The following RAP1GAP variants were observed in gnomAD, a reference collection of about 807,000 sequenced individuals.
RAP1GAP encodes rap1 GTPase-activating protein 1.
In RAP1GAP, 35 loss-of-function variants were observed where a neutral mutation model predicts 87.2. The observed-to-expected ratio is 0.40, with a 90% CI of 0.31 to 0.53. RAP1GAP has a LOEUF of 0.53. Ranked by LOEUF, RAP1GAP falls within the 20% of genes least tolerant of loss-of-function variation. The pLI, the probability that RAP1GAP is intolerant of heterozygous loss-of-function variation, is 0.48. For synonymous variants in RAP1GAP, 375 were observed against 363.9 expected (o/e 1.03, Z -0.35); for missense variants, 734 against 898.9 (o/e 0.82, Z 2.35).
chr1:21,665,249 C>A (rs372249907), intron 1 of RAP1GAP: 1 of 517,460 alleles, frequency 1.9e-6, no homozygotes, highest in Non-Finnish European at 3.9e-6. Flanking sequence ...TGTCAGAATT[C>A]GAACTTGGGT....
At chr1:21,667,188 G>A (rs1018468671) in intron 1 of RAP1GAP, among the ~76,000 whole-genome samples, 1 of 152,244 alleles carries the variant, frequency 6.6e-6, no homozygotes, top group African/African-American at 2.4e-5. Flanking sequence ...ATCTGCCCGA[G>A]GAGTCCTCAA....
intron 2 of RAP1GAP, among the ~76,000 whole-genome samples, chr1:21,639,779 C>T (rs544064845): frequency 2.6e-5 from 4 of 152,288 alleles, no homozygotes; most frequent in African/African-American, 4.8e-5. Context: ...GGCGGGGCAG[C>T]GTCTGACACT....
At position 21,651,543 on chromosome 1, in the gene RAP1GAP, A is replaced by G. The variant is rs369435220; in HGVS notation, c.-148-1747T>C. 43 of 677,080 alleles carry G rather than the reference A, an allele frequency of 6.4e-5. No homozygotes were observed. The African/African-American group carries it at 7.6e-4, about 12-fold the overall frequency. The allele number at this position is 677,080 out of a possible 1,614,324, so 41.9% of individuals were successfully genotyped here. Reference sequence around the variant, plus strand: ...ATGTCCACCCTGCACTCACCTCCCCACACATGCACATGGACACGCAATGGG... The same window carrying G: ...ATGTCCACCCTGCACTCACCTCCCCGCACATGCACATGGACACGCAATGGG... On this transcript the variant is annotated intron_variant, in intron 1 of 24. Coordinates refer to ENST00000374765, the MANE Select transcript of RAP1GAP (RefSeq NM_002885.4).
rs2088977842 is a variant in RAP1GAP at position 21,622,488 on chromosome 1, C to G, written c.-18-2438G>C. On this transcript the variant is annotated intron_variant, in intron 3 of 24. Transcript: ENST00000374765. This position sits in a 1 kb window ranked among gnomAD's most constrained non-coding sequence, Gnocchi z 5.7. The stretch of plus-strand genomic sequence containing the variant: ...CCAGCCGGCTCCTGGCCCGCGCGCG[C>G]CCGGGTCCGGGCCCCGCAGCGCTGA... 6.4e-6 allele frequency: 1 copy of G among 157,460 alleles called. No individual in the cohort carries two copies. Among genetic ancestry groups the G allele is most frequent in the Non-Finnish European group, 1.4e-5 (1 of 73,476 alleles). The allele number at this position is 157,460 out of a possible 1,614,324, so 9.8% of individuals were successfully genotyped here.
rs572911685 is a variant in RAP1GAP, at chr1:21,646,793, C to T, written c.-113+2968G>A. Among the ~76,000 whole-genome samples the T allele has an allele frequency of 5.2e-4, 79 of 152,258 alleles. No individual in the cohort carries two copies. In the Middle Eastern group the frequency reaches 0.01, roughly 20 times the overall value. On this transcript the variant is annotated intron_variant, in intron 2 of 24. Transcript: ENST00000374765. ...CCCTTAGGGCTGCATAATCAGTCAC[C>T]CACTGTCCCACTGGCTCCCAACCCT...
intron 17 of RAP1GAP, among the ~76,000 whole-genome samples, 175 bp from the exon 18 acceptor site, chr1:21,606,372 C>T (rs1260185887): frequency 1.3e-5 from 2 of 152,206 alleles, no homozygotes; most frequent in African/African-American, 4.8e-5. Flanking sequence ...TGGGGCCAGG[C>T]CTCAATTTCC....
Position 21,611,769 on chromosome 1 carries a change from G to C in RAP1GAP, c.660C>G (p.Phe220Leu), listed in dbSNP as rs963231880. The change falls in exon 12 of 25, where the codon TTC becomes TTG. Residue 220 changes from phenylalanine (F) to leucine (L), a missense_variant. Transcript: ENST00000374765. ...GGCCAAGAAATTCAAGGAACTCCAC[G>C]AAAGCGGGACTTTCCTCATTGGTGC... ...LFSTNEESPA[F>L]VEFLEFLGQK... 3 of 1,613,964 alleles carry C rather than the reference G, an allele frequency of 1.9e-6. No homozygotes were observed. Among genetic ancestry groups the C allele is most frequent in the Admixed American group, 3.3e-5 (2 of 60,012 alleles).
intron 20 of RAP1GAP, 30 bp downstream of exon 20, chr1:21,601,654 C>T (rs772132837): frequency 2.0e-6 from 3 of 1,534,642 alleles, no homozygotes; most frequent in African/African-American, 2.7e-5. Context: ...ACTCCCAAGC[C>T]CCCAAGCCCC....
chr1:21,650,443 G>A (rs909867778), intron 1 of RAP1GAP, among the ~76,000 whole-genome samples: 12 of 151,918 alleles, frequency 7.9e-5, no homozygotes, highest in Non-Finnish European at 1.6e-4. Context: ...TAGCACTCCC[G>A]CCCCGCCCAG....
intron 1 of RAP1GAP, among the ~76,000 whole-genome samples, chr1:21,662,318 G>A (rs192660129): frequency 2.6e-5 from 4 of 152,272 alleles, no homozygotes; most frequent in Admixed American, 6.5e-5. Flanking sequence ...GCTCCCATCA[G>A]GCATAATCAT....
intron 12 of RAP1GAP, 62 bp downstream of exon 12, chr1:21,611,654 C>T (rs1345312720): frequency 1.7e-5 from 28 of 1,612,882 alleles, no homozygotes; most frequent in Admixed American, 5.0e-5. Flanking sequence ...AGGACAGGGG[C>T]TCCCTCCCTG....
intron 1 of RAP1GAP, among the ~76,000 whole-genome samples, chr1:21,656,645 T>C (rs2096879985): frequency 6.6e-6 from 1 of 152,110 alleles, no homozygotes. Context: ...GTGACTTGGC[T>C]CACAGCCCTT....
Position 21,603,134 on chromosome 1 carries a change from G to A in RAP1GAP, c.1429-221C>T. 2 of 549,564 alleles carry A rather than the reference G, an allele frequency of 3.6e-6. No individual in the cohort carries two copies. Among genetic ancestry groups the A allele is most frequent in the Admixed American group, 3.2e-5 (1 of 31,618 alleles). The allele number at this position is 549,564 out of a possible 1,614,324, so 34.0% of individuals were successfully genotyped here. On this transcript the variant is annotated intron_variant, in intron 18 of 24. Transcript: ENST00000374765. The surrounding 1 kb of genome is among the most constrained non-coding windows in gnomAD (Gnocchi z 6.0). Reference sequence around the variant, plus strand: ...TCTCCCGAGCTCACACGGCAGGACTGCACGTCAATACTGGCCCAGGATTAG... The same window carrying A: ...TCTCCCGAGCTCACACGGCAGGACTACACGTCAATACTGGCCCAGGATTAG...
In RAP1GAP at chr1:21,657,015, G is replaced by C. The variant is rs989412542; in HGVS notation, c.-148-7219C>G. Among the ~76,000 whole-genome samples, 5 of 152,226 alleles carry C rather than the reference G, an allele frequency of 3.3e-5. No individual in the cohort carries two copies. The South Asian group carries it at 8.3e-4, about 25-fold the overall frequency. Reference sequence around the variant, plus strand: ...TGGCTGACACTATTCAGACACTGGCGATAGAGTCTGAACAAGACAGACAAG... The same window carrying C: ...TGGCTGACACTATTCAGACACTGGCCATAGAGTCTGAACAAGACAGACAAG... On this transcript the variant is annotated intron_variant, in intron 1 of 24. Transcript: ENST00000374765.
chr1:21,623,481 G>A (rs2150099659), intron 3 of RAP1GAP, among the ~76,000 whole-genome samples: 3 of 152,330 alleles, frequency 2.0e-5, no homozygotes, highest in Admixed American at 2.0e-4. Flanking sequence ...AGACACAGCT[G>A]CTTTGGATGT....
In RAP1GAP at chr1:21,668,277, T is replaced by C. The variant is rs573525361; in HGVS notation, c.-149+977A>G. Among the ~76,000 whole-genome samples the C allele has an allele frequency of 5.9e-5, 9 of 152,260 alleles. No homozygotes were observed. The highest frequency in any genetic ancestry group is 2.2e-4 in the African/African-American group (9 of 41,566). ...CTTCCACCTGGCCAGCTTCCCTCAG[T>C]GCCCCTCCTGCCTCAGTGCCCCTTC... On this transcript the variant is annotated intron_variant, in intron 1 of 24. Transcript: ENST00000374765. This position sits in a 1 kb window ranked among gnomAD's most constrained non-coding sequence, Gnocchi z 6.2.
chr1:21,610,546 C>T lies in RAP1GAP; in HGVS notation c.844-271G>A, dbSNP rs554575712. 2.0e-5 allele frequency among the ~76,000 whole-genome samples: 3 copies of T among 152,334 alleles called. No homozygotes were observed. In the East Asian group the frequency reaches 5.8e-4, roughly 29 times the overall value. On this transcript the variant is annotated intron_variant, in intron 13 of 24. Coordinates refer to ENST00000374765, the MANE Select transcript of RAP1GAP (RefSeq NM_002885.4). ...AATTCATCCATGTAACCAAAACCCA[C>T]TTGTACCTGGATATCTATTGAAATT...
chr1:21,660,339 C>CTATATA (rs1553503813), intron 1 of RAP1GAP, among the ~76,000 whole-genome samples: 6 of 52,858 alleles, frequency 1.1e-4, no homozygotes, highest in African/African-American at 2.8e-4. Flanking sequence ...TCCAACTCAG[C>CTATATA]TATATATATT....
Position 21,660,345 on chromosome 1 carries a change from A to ATATATATATATATTTATT in RAP1GAP, c.-149+8908_-149+8909insAATAAATATATATATATA. Reference sequence around the variant, plus strand: ...AGAGTGGGTTCCAACTCAGCTATATATATTTATTGAGACAGTCTCGCTCTG... The same window carrying ATATATATATATATTTATT: ...AGAGTGGGTTCCAACTCAGCTATATATATATATATATATTTATTTATTTATTGAGACAGTCTCGCTCTG... On this transcript the variant is annotated intron_variant, in intron 1 of 24. Coordinates refer to ENST00000374765, the MANE Select transcript of RAP1GAP (RefSeq NM_002885.4). Among the ~76,000 whole-genome samples, 7 of 92,612 alleles carry ATATATATATATATTTATT rather than the reference A, an allele frequency of 7.6e-5. 1 individual carries two copies. The highest frequency in any genetic ancestry group is 2.3e-4 in the African/African-American group (6 of 26,018). The allele number at this position is 92,612 out of a possible 152,430, so 60.8% of individuals were successfully genotyped here. A position where few individuals can be genotyped will look rare whatever the true frequency, so the allele number is the denominator to read the frequency against.
Sources: gnomAD v4.1 joint callset for allele counts (sites outside exome capture counted in the v4.1 genomes callset) on GRCh38, gnomAD v4.1.1 for gene constraint, Gnocchi (gnomAD v3.1) non-coding constraint, MANE v1.5 for transcripts, NCBI Gene and HGNC (gene_info 2026-07-23, HGNC 2026-07-21) for gene names.